The following NBEA variants were observed in gnomAD, a reference collection of about 807,000 sequenced individuals.
NBEA encodes the protein neurobeachin, also known as lysosomal-trafficking regulator 2.
NBEA carries 44 observed loss-of-function variants against 343.4 expected under a neutral mutation model. That is an observed-to-expected ratio of 0.13 (90% CI 0.10 to 0.16). NBEA has a LOEUF of 0.16. Among genes scored for constraint, NBEA ranks in the 10% least tolerant of loss-of-function variants. The pLI, the probability that NBEA is intolerant of heterozygous loss-of-function variation, is 1.00. For synonymous variants in NBEA, 1,175 were observed against 1,238.7 expected (o/e 0.95, Z 1.08); for missense variants, 2,555 against 3,631.3 (o/e 0.70, Z 7.62).
chr13:35,213,907 C>G (rs1225088761), intron 33 of NBEA, among the ~76,000 whole-genome samples: 1 of 151,956 alleles, frequency 6.6e-6, no homozygotes, highest in East Asian at 1.9e-4. Flanking sequence ...GTTATTCACT[C>G]CTATCTCTGC....
At chr13:35,124,681 CATGT>C (rs1566324284) in intron 17 of NBEA, among the ~76,000 whole-genome samples, 1 of 150,310 alleles carries the variant, frequency 6.7e-6, no homozygotes, top group Non-Finnish European at 1.5e-5. Flanking sequence ...TATATATACA[CATGT>C]ATGGATATAT....
At chr13:35,175,579 A>G (rs770048283) in intron 27 of NBEA, among the ~76,000 whole-genome samples, 1 of 152,186 alleles carries the variant, frequency 6.6e-6, no homozygotes, top group African/African-American at 2.4e-5. Flanking sequence ...AGTGGGAAGG[A>G]AATTGGTAGT....
intron 44 of NBEA, among the ~76,000 whole-genome samples, chr13:35,558,620 C>T (rs1019653515): frequency 1.3e-5 from 2 of 152,186 alleles, no homozygotes; most frequent in African/African-American, 4.8e-5. Context: ...CTGACCTGCA[C>T]TATTACCTTG....
At chr13:35,213,389 C>A (rs1440444400) in intron 33 of NBEA, among the ~76,000 whole-genome samples, 17 of 150,592 alleles carry the variant, frequency 1.1e-4, no homozygotes, top group Admixed American at 1.1e-3. Context: ...GATCTTCTCA[C>A]CCTGTTATTT....
chr13:35,201,670 A>G (rs778055618), intron 31 of NBEA, among the ~76,000 whole-genome samples: 7 of 151,996 alleles, frequency 4.6e-5, no homozygotes, highest in Non-Finnish European at 8.8e-5. Context: ...CAACCCATAT[A>G]ATATGATATA....
chr13:35,390,501 A>T (rs57579110), intron 38 of NBEA, among the ~76,000 whole-genome samples: 3,624 of 152,292 alleles, frequency 0.024, 146 homozygotes, highest in African/African-American at 0.083. Flanking sequence ...CAATTAGAGA[A>T]TCGATGCCTG....
chr13:35,084,744 A>G (rs1224280460), intron 10 of NBEA, among the ~76,000 whole-genome samples: 2 of 151,920 alleles, frequency 1.3e-5, no homozygotes, highest in Non-Finnish European at 2.9e-5. Flanking sequence ...GAGCAGAACT[A>G]AAGGAAATAG....
chr13:35,300,459 T>C (rs1237178119), intron 35 of NBEA, among the ~76,000 whole-genome samples: 3 of 152,202 alleles, frequency 2.0e-5, no homozygotes, highest in African/African-American at 7.2e-5. Context: ...TCACACACAC[T>C]GTAAATAAAA....
At chr13:35,260,320 CATG>C (rs1212378958) in intron 34 of NBEA, among the ~76,000 whole-genome samples, 1 of 152,182 alleles carries the variant, frequency 6.6e-6, no homozygotes, top group African/African-American at 2.4e-5. Context: ...TTCTTTTTCT[CATG>C]ATGGCATAAC....
intron 1 of NBEA, among the ~76,000 whole-genome samples, chr13:34,957,901 T>G (rs557327421): frequency 1.8e-4 from 27 of 152,160 alleles, no homozygotes; most frequent in Non-Finnish European, 3.5e-4. Flanking sequence ...TTTGTTTGCT[T>G]CTTTTTGTTT....
chr13:35,028,822 T>C (rs2062103056), intron 1 of NBEA, among the ~76,000 whole-genome samples: 1 of 151,556 alleles, frequency 6.6e-6, no homozygotes, highest in African/African-American at 2.4e-5. Context: ...ACTTTCTTTC[T>C]CTATGAACTT....
intron 41 of NBEA, among the ~76,000 whole-genome samples, chr13:35,498,626 G>A (rs1471476877): frequency 6.6e-6 from 1 of 151,998 alleles, no homozygotes; most frequent in African/African-American, 2.4e-5. Context: ...TTCTCTCCTT[G>A]ACTATTTAAT....
intron 6 of NBEA, among the ~76,000 whole-genome samples, chr13:35,051,927 G>A (rs2063078517): frequency 6.6e-6 from 1 of 152,006 alleles, no homozygotes; most frequent in East Asian, 1.9e-4. Flanking sequence ...ATAACCAAAT[G>A]AAATTGTCAT....
At chr13:35,299,291 A>G (rs571562253) in intron 35 of NBEA, among the ~76,000 whole-genome samples, 1 of 152,240 alleles carries the variant, frequency 6.6e-6, no homozygotes, top group East Asian at 1.9e-4. Flanking sequence ...GATGGATTGA[A>G]TCTCTAAGGA....
At position 35,467,655 on chromosome 13, in the gene NBEA, T is replaced by C. The variant is rs1313919005; in HGVS notation, c.6449-4745T>C. Among the ~76,000 whole-genome samples the C allele has an allele frequency of 2.0e-5, 3 of 152,194 alleles. No individual in the cohort carries two copies. In the East Asian group the frequency reaches 5.8e-4, roughly 29 times the overall value. On this transcript the variant is annotated intron_variant, in intron 40 of 58. Transcript: ENST00000379939. ...TATTTTACATTGAACATAAAGAATT[T>C]CAGATTAGTTTTAGTTCTTCTAAAT... is the stretch of plus-strand genomic sequence containing the variant.
chr13:35,316,756 C>G (rs2037758842), intron 36 of NBEA, among the ~76,000 whole-genome samples: 1 of 152,128 alleles, frequency 6.6e-6, no homozygotes, highest in South Asian at 2.1e-4. Context: ...TTCTCCATAT[C>G]CTCTCCAGGA....
At chr13:35,160,055 T>C in intron 22 of NBEA, 23 bp downstream of exon 22, 2 of 1,499,512 alleles carry the variant, frequency 1.3e-6, no homozygotes, top group Non-Finnish European at 8.9e-7. Context: ...ATATGAGTTC[T>C]AGAAATAAAT....
intron 33 of NBEA, among the ~76,000 whole-genome samples, chr13:35,221,536 GTTA>G (rs1300552325): frequency 1.3e-5 from 2 of 151,708 alleles, no homozygotes; most frequent in African/African-American, 2.4e-5. Context: ...TTCTTTTCTT[GTTA>G]TTATTATGTG....
At chr13:35,492,287 A>G (rs1046250683) in intron 41 of NBEA, among the ~76,000 whole-genome samples, 7 of 151,986 alleles carry the variant, frequency 4.6e-5, no homozygotes, top group Non-Finnish European at 8.8e-5. Flanking sequence ...CTCACACTAA[A>G]GAACTTACTC....
Sources: allele counts gnomAD v4.1 joint callset (sites outside exome capture counted in the v4.1 genomes callset), GRCh38; gene constraint gnomAD v4.1.1; transcripts MANE v1.5; gene names NCBI Gene and HGNC (gene_info 2026-07-23, HGNC 2026-07-21).